Variants in GAD2 observed in about 807,000 individuals in gnomAD.
GAD2 encodes glutamate decarboxylase 2.
In GAD2, 22 loss-of-function variants were observed where a neutral mutation model predicts 80.1. The observed-to-expected ratio is 0.27, with a 90% confidence interval of 0.20 to 0.39. The LOEUF is 0.39. Ranked by LOEUF, GAD2 falls within the 10% of genes least tolerant of loss-of-function variation. GAD2 has a pLI of 1.00. For synonymous variants in GAD2, 274 were observed against 256.9 expected, an observed-to-expected ratio of 1.07 and a Z score of -0.64; for missense variants, 624 against 738.4, an observed-to-expected ratio of 0.85 and a Z score of 1.80.
intron 7 of GAD2, among the ~76,000 whole-genome samples, chr10:26,238,988 G>A (rs993914858): frequency 6.6e-6 from 1 of 152,024 alleles, no homozygotes; most frequent in Non-Finnish European, 1.5e-5. Flanking sequence ...ATGGTGGGGT[G>A]GGGGGTGGTC....
chr10:26,272,718 G>T (rs1845150252), intron 10 of GAD2, among the ~76,000 whole-genome samples: 3 of 152,088 alleles, frequency 2.0e-5, no homozygotes, highest in Non-Finnish European at 2.9e-5. Context: ...ACAAAAATTA[G>T]CCAGGCATGG....
chr10:26,300,964 A>T lies in GAD2; in HGVS notation c.*3A>T, dbSNP rs111836424. 2.0e-5 allele frequency: 33 copies of T among 1,611,758 alleles called. No individual in the cohort carries two copies. The South Asian group carries it at 3.4e-4, about 17-fold the overall frequency. Reference sequence around the variant, plus strand: ...AACGCCTTGGACAAGATTTATAATAACCTTGCTCACCAAGCTGTTCCACTT... The same window carrying T: ...AACGCCTTGGACAAGATTTATAATATCCTTGCTCACCAAGCTGTTCCACTT... On this transcript the variant is annotated 3_prime_UTR_variant, in exon 16 of 16. Coordinates refer to ENST00000376261, the MANE Select transcript of GAD2 (RefSeq NM_001134366.2).
At chr10:26,269,243 T>C in intron 9 of GAD2, 70 bp downstream of exon 9, 6 of 1,324,870 alleles carry the variant, frequency 4.5e-6, no homozygotes, top group Non-Finnish European at 6.3e-6. Context: ...AAAATGTGTT[T>C]TGGTTTTATT....
At position 26,286,256 on chromosome 10, in the gene GAD2, T is replaced by C. The variant is rs981416528; in HGVS notation, c.1237-89T>C. The C allele has an allele frequency of 5.1e-6, 6 of 1,185,342 alleles. No homozygotes were observed. In the Admixed American group the frequency reaches 1.2e-4, roughly 24 times the overall value. The allele number at this position is 1,185,342 out of a possible 1,614,324, so 73.4% of individuals were successfully genotyped here. On this transcript the variant is annotated intron_variant, in intron 12 of 15. Transcript: ENST00000376261. Reference sequence around the variant, plus strand: ...TTCTTTCTCTAAGATATGCAATGTCTCTTACTTCTTTTTTCTTATTAATTT... The same window carrying C: ...TTCTTTCTCTAAGATATGCAATGTCCCTTACTTCTTTTTTCTTATTAATTT...
intron 7 of GAD2, among the ~76,000 whole-genome samples, chr10:26,233,536 G>T (rs992010631): frequency 6.6e-6 from 1 of 152,174 alleles, no homozygotes; most frequent in African/African-American, 2.4e-5. Context: ...CAGGTTAAGA[G>T]GTAATACGAT....
At chr10:26,249,075 G>A (rs1844845568) in intron 8 of GAD2, among the ~76,000 whole-genome samples, 1 of 151,978 alleles carries the variant, frequency 6.6e-6, no homozygotes, top group African/African-American at 2.4e-5. Context: ...TTTTTTGGCG[G>A]GGGAGGGGAT....
At chr10:26,245,899 A>AAT in intron 7 of GAD2, 22 bp from the exon 8 acceptor site, 2 of 1,581,720 alleles carry the variant, frequency 1.3e-6, no homozygotes, top group Non-Finnish European at 8.7e-7. Flanking sequence ...ACTAATTGCA[A>AAT]ATATATATAT....
chr10:26,292,872 CA>C, intron 14 of GAD2, 29 bp from the exon 15 acceptor site: 1 of 1,587,920 alleles, frequency 6.3e-7, no homozygotes, highest in African/African-American at 1.3e-5. Flanking sequence ...CAGCCTGGGC[CA>C]AATGTGAATC....
At chr10:26,236,512 G>T (rs1844674360) in intron 7 of GAD2, among the ~76,000 whole-genome samples, 1 of 152,078 alleles carries the variant, frequency 6.6e-6, no homozygotes, top group South Asian at 2.1e-4. Flanking sequence ...TGTTGGCCAG[G>T]CTGGGCTGGA....
Position 26,300,850 on chromosome 10 carries a change from C to A in GAD2, c.1647C>A (p.Pro549=), listed in dbSNP as rs1589156706. 5.0e-6 allele frequency: 8 copies of A among 1,613,886 alleles called. No homozygotes were observed. Among genetic ancestry groups the A allele is most frequent in the Non-Finnish European group, 5.9e-6 (7 of 1,179,838 alleles). The change falls in exon 16 of 16, where the codon CCC becomes CCA. Residue 549 remains proline (P), a synonymous_variant. Transcript: ENST00000376261. ...EYGTTMVSYQ[P]LGDKVNFFRM... ...GAACCACAATGGTCAGCTACCAACC[C>A]TTGGGAGACAAGGTCAATTTCTTCC...
At chr10:26,273,600 A>G (rs1845163527) in intron 10 of GAD2, 36 bp from the exon 11 acceptor site, 1 of 1,576,522 alleles carries the variant, frequency 6.3e-7, no homozygotes, top group African/African-American at 1.3e-5. Context: ...GGCAATGACA[A>G]ACTGCTACCA....
At chr10:26,262,240 C>A (rs1380670562) in intron 8 of GAD2, among the ~76,000 whole-genome samples, 1 of 144,504 alleles carries the variant, frequency 6.9e-6, no homozygotes, top group Non-Finnish European at 1.5e-5. Context: ...TTTTTGGTAA[C>A]TTTTCTCCCA....
intron 7 of GAD2, among the ~76,000 whole-genome samples, chr10:26,239,207 A>G (rs1367559569): frequency 2.0e-5 from 3 of 152,232 alleles, no homozygotes; most frequent in African/African-American, 7.2e-5. Flanking sequence ...AATGCTTGAT[A>G]GGATGTCAGA....
chr10:26,282,211 G>A (rs1845280280), intron 12 of GAD2, among the ~76,000 whole-genome samples: 1 of 152,122 alleles, frequency 6.6e-6, no homozygotes, highest in Non-Finnish European at 1.5e-5. Flanking sequence ...TCAAAGTGCT[G>A]GGATCACAGG....
intron 13 of GAD2, among the ~76,000 whole-genome samples, chr10:26,290,077 GA>G (rs1169709347): frequency 6.6e-6 from 1 of 150,792 alleles, no homozygotes; most frequent in Admixed American, 6.6e-5. Flanking sequence ...AAATGGCTGT[GA>G]AAAAAAATAC....
intron 3 of GAD2, among the ~76,000 whole-genome samples, chr10:26,218,786 AAAG>A (rs1844417289): frequency 6.6e-6 from 1 of 152,260 alleles, no homozygotes; most frequent in Non-Finnish European, 1.5e-5. Flanking sequence ...CTCTTCAAAA[AAAG>A]AAGGCAAACA....
chr10:26,247,768 C>G (rs7077030), intron 8 of GAD2, among the ~76,000 whole-genome samples: 1 of 151,308 alleles, frequency 6.6e-6, no homozygotes, highest in African/African-American at 2.4e-5. Flanking sequence ...TGGTGATGTG[C>G]GCCTGTGGTC....
intron 8 of GAD2, among the ~76,000 whole-genome samples, chr10:26,258,812 ATTT>A (rs59176915): frequency 1.4e-4 from 20 of 144,974 alleles, no homozygotes; most frequent in South Asian, 4.4e-4. Context: ...GCTTCCACCA[ATTT>A]TTTTTTTTTT....
At chr10:26,244,428 A>AC (rs1296276567) in intron 7 of GAD2, among the ~76,000 whole-genome samples, 1 of 152,226 alleles carries the variant, frequency 6.6e-6, no homozygotes, top group Non-Finnish European at 1.5e-5. Flanking sequence ...AGGCAGTTGT[A>AC]CCCCCATATG....
Sources: allele counts gnomAD v4.1 joint callset (sites outside exome capture counted in the v4.1 genomes callset), GRCh38; gene constraint gnomAD v4.1.1; transcripts MANE v1.5; gene names NCBI Gene and HGNC (gene_info 2026-07-23, HGNC 2026-07-21).